Variants in DIP2C observed in about 807,000 individuals in gnomAD.
The protein encoded by DIP2C is DIP2 acetate--CoA ligase C (putative), also known as disco-interacting protein 2 homolog C.
A neutral mutation model predicts 192.4 loss-of-function variants in DIP2C; 33 were observed. The ratio of observed to expected loss-of-function variants is 0.17; its 90% CI spans 0.13 to 0.23. The LOEUF is 0.23. Among genes scored for constraint, DIP2C ranks in the 10% least tolerant of loss-of-function variants. The probability of loss-of-function intolerance (pLI) is 1.00; values close to 1 mark genes in which losing one functional copy is unlikely to be tolerated. For synonymous variants in DIP2C, 979 were observed against 864.1 expected, an observed-to-expected ratio of 1.13 and a Z score of -2.33; for missense variants, 1,537 against 2,110.1, an observed-to-expected ratio of 0.73 and a Z score of 5.32.
At chr10:655,103 T>C (rs1351196474) in intron 1 of DIP2C, among the ~76,000 whole-genome samples, 2 of 152,024 alleles carry the variant, frequency 1.3e-5, no homozygotes, top group Non-Finnish European at 1.5e-5. Flanking sequence ...CCCATACACA[T>C]GGGGGAATGG....
chr10:489,525 T>A (rs902809621), intron 1 of DIP2C, among the ~76,000 whole-genome samples: 1 of 152,262 alleles, frequency 6.6e-6, no homozygotes, highest in Non-Finnish European at 1.5e-5. Context: ...TGACCTTCAA[T>A]CAATGCCACG....
At chr10:327,418 C>T (rs1315994589) in intron 30 of DIP2C, among the ~76,000 whole-genome samples, 2 of 152,168 alleles carry the variant, frequency 1.3e-5, no homozygotes, top group African/African-American at 4.8e-5. Context: ...CCACCTGGAG[C>T]CACAGCAAGA....
At chr10:404,542 A>AT in intron 9 of DIP2C, among the ~76,000 whole-genome samples, 1 of 152,278 alleles carries the variant, frequency 6.6e-6, no homozygotes, top group African/African-American at 2.4e-5. Flanking sequence ...TTTATGAAAA[A>AT]TGTCCTAACT....
chr10:680,233 C>T (rs768546388), intron 1 of DIP2C, among the ~76,000 whole-genome samples: 2 of 152,162 alleles, frequency 1.3e-5, no homozygotes, highest in Non-Finnish European at 2.9e-5. Flanking sequence ...AGAAGAAGGT[C>T]ACCCACAAGT....
intron 32 of DIP2C, among the ~76,000 whole-genome samples, chr10:308,743 G>A (rs1473220473): frequency 6.6e-6 from 1 of 152,246 alleles, no homozygotes; most frequent in African/African-American, 2.4e-5. Flanking sequence ...CCACTCTTCT[G>A]TGATTTTATA....
chr10:438,558 T>C (rs1967463200), intron 4 of DIP2C, among the ~76,000 whole-genome samples: 1 of 151,720 alleles, frequency 6.6e-6, no homozygotes, highest in African/African-American at 2.4e-5. Context: ...GGCATGACCA[T>C]GGCTCACTGC....
chr10:332,213 A>G (rs959319197), intron 29 of DIP2C, among the ~76,000 whole-genome samples: 14 of 152,170 alleles, frequency 9.2e-5, no homozygotes, highest in Admixed American at 5.2e-4. Context: ...CGGACACCCA[A>G]AGTCATTTTA....
At position 310,106 on chromosome 10, in the gene DIP2C, CA is replaced by C; in HGVS notation, c.3925-15del. On this transcript the variant is annotated splice_polypyrimidine_tract_variant and intron_variant, in intron 31 of 36. Transcript: ENST00000280886. ...TCCTGAGGTTCCCTGCAAGCAACAA[CA>C]GAGTGGTTAACTCAAGTTTACATGG... The C allele has an allele frequency of 6.2e-7, 1 of 1,613,938 alleles. No individual in the cohort carries two copies. Among genetic ancestry groups the C allele is most frequent in the South Asian group, 1.1e-5 (1 of 91,058 alleles).
At chr10:591,172 G>C (rs961129717) in intron 1 of DIP2C, among the ~76,000 whole-genome samples, 30 of 152,280 alleles carry the variant, frequency 2.0e-4, no homozygotes, top group African/African-American at 6.5e-4. Context: ...ACCCAGGGTG[G>C]AGTGGAGTGG....
At chr10:317,009 C>T (rs982510095) in intron 31 of DIP2C, among the ~76,000 whole-genome samples, 5 of 152,052 alleles carry the variant, frequency 3.3e-5, no homozygotes, top group African/African-American at 1.2e-4. Flanking sequence ...CAGATTGTTC[C>T]GACGGTTATG....
intron 1 of DIP2C, among the ~76,000 whole-genome samples, chr10:672,887 T>A (rs114084052): frequency 5.4e-4 from 82 of 152,340 alleles, no homozygotes; most frequent in African/African-American, 1.9e-3. Flanking sequence ...ATTTCTTTTG[T>A]CATCCATGAC....
rs1855883959 is a variant in DIP2C at position 651,311 on chromosome 10, G to A, written c.85+38183C>T. Reference sequence around the variant, plus strand: ...ACTCCTTACAAGCAGAGCCACCAACGTGGACACGATCCCATCAGGAACCAC... The same window carrying A: ...ACTCCTTACAAGCAGAGCCACCAACATGGACACGATCCCATCAGGAACCAC... On this transcript the variant is annotated intron_variant, in intron 1 of 36. Coordinates refer to ENST00000280886, the MANE Select transcript of DIP2C (RefSeq NM_014974.3). This position sits in a 1 kb window ranked among gnomAD's most constrained non-coding sequence, Gnocchi z 4.1. 1 of 707,540 alleles carries A rather than the reference G, an allele frequency of 1.4e-6. No individual in the cohort carries two copies. 43.8% of individuals were successfully genotyped at this position (707,540 alleles called of 1,614,324 possible). A position where few individuals can be genotyped will look rare whatever the true frequency, so the allele number is the denominator to read the frequency against.
chr10:613,561 G>A (rs1052695823), intron 1 of DIP2C, among the ~76,000 whole-genome samples: 5 of 152,304 alleles, frequency 3.3e-5, no homozygotes, highest in Non-Finnish European at 7.4e-5. Flanking sequence ...GGAAATATGC[G>A]ATTCCTTACC....
intron 2 of DIP2C, among the ~76,000 whole-genome samples, chr10:484,043 T>TA (rs1218180878): frequency 3.3e-5 from 5 of 152,248 alleles, no homozygotes; most frequent in African/African-American, 1.2e-4. Flanking sequence ...CACCTGGACC[T>TA]AAGCAATCCC....
chr10:619,229 G>C (rs1045386856), intron 1 of DIP2C, among the ~76,000 whole-genome samples: 2 of 152,152 alleles, frequency 1.3e-5, no homozygotes, highest in Non-Finnish European at 2.9e-5. Flanking sequence ...TCGTGGGCTA[G>C]TTTTACTACT....
intron 29 of DIP2C, among the ~76,000 whole-genome samples, chr10:337,934 T>C (rs1183537881): frequency 1.3e-5 from 2 of 150,642 alleles, no homozygotes; most frequent in African/African-American, 2.5e-5. Context: ...TGTATGTGTG[T>C]GCTGTGGAGG....
intron 6 of DIP2C, 147 bp from the exon 7 acceptor site, chr10:416,035 A>AT: frequency 3.2e-6 from 4 of 1,243,074 alleles, no homozygotes; most frequent in Non-Finnish European, 4.5e-6. Flanking sequence ...CGAGGTGATC[A>AT]TGCTGTACGG....
chr10:519,092 G>C (rs1405226153), intron 1 of DIP2C, among the ~76,000 whole-genome samples: 2 of 152,176 alleles, frequency 1.3e-5, no homozygotes, highest in African/African-American at 2.4e-5. Flanking sequence ...TGCAGCCCAA[G>C]GGCTTCCGAT....
At chr10:329,665 AGG>A in intron 29 of DIP2C, 64 bp from the exon 30 acceptor site, 1 of 1,065,628 alleles carries the variant, frequency 9.4e-7, no homozygotes, top group Non-Finnish European at 1.3e-6. Context: ...GCAAGGCTGG[AGG>A]GCTCAGGGCA....
Sources: gnomAD v4.1 joint callset for allele counts (sites outside exome capture counted in the v4.1 genomes callset) on GRCh38, gnomAD v4.1.1 for gene constraint, Gnocchi (gnomAD v3.1) non-coding constraint, MANE v1.5 for transcripts, NCBI Gene and HGNC (gene_info 2026-07-23, HGNC 2026-07-21) for gene names.